Variants in DNAAF11 observed in about 807,000 individuals in gnomAD.
DNAAF11 encodes leucine rich repeat containing 6.
DNAAF11 carries 45 observed loss-of-function variants against 60.8 expected under a neutral mutation model. The observed-to-expected ratio is 0.74, with a 90% CI of 0.58 to 0.95. The LOEUF (loss-of-function observed/expected upper bound fraction) is 0.95, where lower values mean the gene tolerates loss of function less well. DNAAF11 is among the 40% of genes least tolerant of loss of function. DNAAF11 has a pLI of 0.00. For missense variants in DNAAF11, 546 were observed against 546.2 expected (o/e 1.00, Z 0.00); for synonymous variants, 191 against 183.5 (o/e 1.04, Z -0.33).
chr8:132,672,894 A>G lies in DNAAF11; in HGVS notation c.10+2590T>C, dbSNP rs561089743. ...AATCAATGTTCCCCTCCTCATCTCT[A>G]AAATGAACAGGTACACTAGATGAAC... On this transcript the variant is annotated intron_variant, in intron 1 of 11. Coordinates refer to ENST00000620350, the MANE Select transcript of DNAAF11 (RefSeq NM_012472.6). Among the ~76,000 whole-genome samples the G allele has an allele frequency of 6.6e-5, 10 of 152,298 alleles. No individual in the cohort carries two copies. In the South Asian group the frequency reaches 1.7e-3, roughly 25 times the overall value.
At chr8:132,686,420 A>T in the DNAAF11 span, among the ~76,000 whole-genome samples, 1 of 152,186 alleles carries the variant, frequency 6.6e-6, no homozygotes, top group Non-Finnish European at 1.5e-5. Context: ...ACATCTTTAC[A>T]TGGTTTAGAG....
At chr8:132,634,250 T>G (rs1255127992) in intron 4 of DNAAF11, among the ~76,000 whole-genome samples, 2 of 152,176 alleles carry the variant, frequency 1.3e-5, no homozygotes, top group Non-Finnish European at 2.9e-5. Flanking sequence ...TAGAAAAACA[T>G]AACTAGTTAC....
At chr8:132,603,915 T>C (rs1817887982) in intron 10 of DNAAF11, among the ~76,000 whole-genome samples, 1 of 152,048 alleles carries the variant, frequency 6.6e-6, no homozygotes, top group Non-Finnish European at 1.5e-5. Flanking sequence ...AATACACATC[T>C]AGAGGGATTG....
At position 132,581,681 on chromosome 8, in the gene DNAAF11, A is replaced by AAG. The variant is rs1554669764; in HGVS notation, c.1226+2012_1226+2013insCT. 4.0e-5 allele frequency among the ~76,000 whole-genome samples: 6 copies of AAG among 148,376 alleles called. No homozygotes were observed. In the South Asian group the frequency reaches 6.5e-4, roughly 16 times the overall value. On this transcript the variant is annotated intron_variant, in intron 11 of 11. Coordinates refer to ENST00000620350, the MANE Select transcript of DNAAF11 (RefSeq NM_012472.6). Reference sequence around the variant, plus strand: ...TGCCTCAAAAAAAAAAAAAAAAAAAAAAGAAGAAGAAGAAGAAGAACAAGC... The same window carrying AAG: ...TGCCTCAAAAAAAAAAAAAAAAAAAAAGAAGAAGAAGAAGAAGAAGAACAAGC...
At chr8:132,582,077 C>T (rs968334866) in intron 11 of DNAAF11, among the ~76,000 whole-genome samples, 4 of 152,326 alleles carry the variant, frequency 2.6e-5, no homozygotes, top group Non-Finnish European at 5.9e-5. Flanking sequence ...TGGACGGCTG[C>T]ATCTACAGTC....
chr8:132,585,104 G>C (rs1200493613), intron 10 of DNAAF11, among the ~76,000 whole-genome samples: 1 of 152,116 alleles, frequency 6.6e-6, no homozygotes, highest in Non-Finnish European at 1.5e-5. Flanking sequence ...TGTTTATCAT[G>C]TGTATACTTC....
intron 8 of DNAAF11, among the ~76,000 whole-genome samples, chr8:132,614,512 T>C (rs764056665): frequency 6.6e-6 from 1 of 151,800 alleles, no homozygotes; most frequent in Non-Finnish European, 1.5e-5. Context: ...AAAAGGACAA[T>C]AGTTTGGGTG....
In DNAAF11 at chr8:132,598,523, T is replaced by C. The variant is rs767465371; in HGVS notation, c.1140+11643A>G. On this transcript the variant is annotated intron_variant, in intron 10 of 11. Transcript: ENST00000620350. ...AGATATATGAATGTAGGTGGTAAAGTCTTTCAGGGCAGGGGCCAAGCCAAT... is the reference window on the plus strand; with the variant it reads ...AGATATATGAATGTAGGTGGTAAAGCCTTTCAGGGCAGGGGCCAAGCCAAT... 3.6e-4 allele frequency among the ~76,000 whole-genome samples: 55 copies of C among 152,236 alleles called. 1 individual carries two copies. The highest frequency in any genetic ancestry group is 7.3e-5 in the Non-Finnish European group (5 of 68,032).
rs544603325 is a variant in DNAAF11 at position 132,612,321 on chromosome 8, G to C, written c.975-958C>G. Reference sequence around the variant, plus strand: ...AAAAACAATTTTTATAATAATAATAGAGATGAGGTTTTCTACAGCTTCACA... The same window carrying C: ...AAAAACAATTTTTATAATAATAATACAGATGAGGTTTTCTACAGCTTCACA... On this transcript the variant is annotated intron_variant, in intron 8 of 11. Transcript: ENST00000620350. Among the ~76,000 whole-genome samples, 9 of 152,256 alleles carry C rather than the reference G, an allele frequency of 5.9e-5. 1 individual carries two copies. The South Asian group carries it at 1.7e-3, about 28-fold the overall frequency.
chr8:132,629,115 A>G (rs1006353105), intron 5 of DNAAF11, among the ~76,000 whole-genome samples: 2 of 152,188 alleles, frequency 1.3e-5, no homozygotes, highest in African/African-American at 2.4e-5. Context: ...ATGTAATTCA[A>G]CACAGTAACA....
Position 132,572,334 on chromosome 8 carries a change from T to A in DNAAF11, c.1373A>T (p.Asp458Val). 3 of 1,613,626 alleles carry A rather than the reference T, an allele frequency of 1.9e-6. No individual in the cohort carries two copies. The highest frequency in any genetic ancestry group is 2.5e-6 in the Non-Finnish European group (3 of 1,179,844). ...IPSEEDPTFE[D>V]NPEVPPLI Reference sequence around the variant, plus strand: ...AATCAGCGGAGGCACTTCAGGGTTGTCTTCAAAGGTTGGGTCTTCCTCACT... The same window carrying A: ...AATCAGCGGAGGCACTTCAGGGTTGACTTCAAAGGTTGGGTCTTCCTCACT... The change falls in exon 12 of 12, where the codon GAC becomes GTC. Residue 458 changes from aspartate to valine, a missense_variant. Asp to Val is a radical substitution (Grantham distance 152). Transcript: ENST00000620350.
chr8:132,693,324 G>A, the DNAAF11 span, among the ~76,000 whole-genome samples: 6 of 152,330 alleles, frequency 3.9e-5, no homozygotes, highest in South Asian at 1.2e-3. Context: ...CATATGGACA[G>A]ATGCCATTGC....
intron 10 of DNAAF11, among the ~76,000 whole-genome samples, chr8:132,600,497 G>A (rs1355517317): frequency 1.3e-5 from 2 of 152,180 alleles, no homozygotes; most frequent in Non-Finnish European, 2.9e-5. Context: ...CAAAGCTGGA[G>A]GCATCACGCT....
intron 5 of DNAAF11, among the ~76,000 whole-genome samples, chr8:132,628,602 T>A (rs1042393144): frequency 3.9e-5 from 6 of 152,092 alleles, no homozygotes; most frequent in Non-Finnish European, 8.8e-5. Flanking sequence ...AGCCTCTAAT[T>A]CTCTGTAGTG....
At chr8:132,698,405 G>A in the DNAAF11 span, among the ~76,000 whole-genome samples, 1 of 152,102 alleles carries the variant, frequency 6.6e-6, no homozygotes, top group South Asian at 2.1e-4. Flanking sequence ...GCTTCTCAGG[G>A]GCAACTCTCT....
At chr8:132,598,174 T>C (rs1196750276) in intron 10 of DNAAF11, among the ~76,000 whole-genome samples, 1 of 152,234 alleles carries the variant, frequency 6.6e-6, no homozygotes, top group Admixed American at 6.5e-5. Context: ...ACATGGTAAA[T>C]GCTCAATAAA....
At chr8:132,684,555 A>C in the DNAAF11 span, among the ~76,000 whole-genome samples, 1 of 152,202 alleles carries the variant, frequency 6.6e-6, no homozygotes, top group Non-Finnish European at 1.5e-5. Context: ...CTGGCATGGA[A>C]AATCCCCAAC....
chr8:132,596,813 T>A lies in DNAAF11; in HGVS notation c.1141-13034A>T, dbSNP rs185769803. On this transcript the variant is annotated intron_variant, in intron 10 of 11. Coordinates refer to ENST00000620350, the MANE Select transcript of DNAAF11 (RefSeq NM_012472.6). The stretch of plus-strand genomic sequence containing the variant: ...CCTCTCCTGTTGCCCCCTGTAAGGA[T>A]CCAGAGTGATGGGGGCATCAGCCTG... Among the ~76,000 whole-genome samples, 102 of 152,286 alleles carry A rather than the reference T, an allele frequency of 6.7e-4. 2 individuals carry two copies. The highest frequency in any genetic ancestry group is 2.3e-3 in the African/African-American group (96 of 41,552).
intron 3 of DNAAF11, among the ~76,000 whole-genome samples, chr8:132,642,744 G>A (rs545900228): frequency 6.6e-6 from 1 of 152,324 alleles, no homozygotes; most frequent in Admixed American, 6.5e-5. Flanking sequence ...GCTGCTTCCG[G>A]AATCTATCTG....
Sources: gnomAD v4.1 joint callset for allele counts (sites outside exome capture counted in the v4.1 genomes callset) on GRCh38, gnomAD v4.1.1 for gene constraint, MANE v1.5 for transcripts, NCBI Gene and HGNC (gene_info 2026-07-23, HGNC 2026-07-21) for gene names.